The following CNTNAP2 variants were observed in gnomAD, a reference collection of about 807,000 sequenced individuals.
The protein encoded by CNTNAP2 is contactin-associated protein-like 2.
CNTNAP2 carries 98 observed loss-of-function variants against 155.2 expected under a neutral mutation model. The observed-to-expected ratio is 0.63, with a 90% CI of 0.54 to 0.75. The LOEUF (loss-of-function observed/expected upper bound fraction) is 0.75. Ranked by LOEUF, CNTNAP2 falls within the 30% of genes least tolerant of loss-of-function variation. The pLI, the probability that CNTNAP2 is intolerant of heterozygous loss-of-function variation, is 0.00. For missense variants in CNTNAP2, 1,727 were observed against 1,688.1 expected (o/e 1.02, Z -0.40); for synonymous variants, 651 against 631.2 (o/e 1.03, Z -0.47).
intron 8 of CNTNAP2, among the ~76,000 whole-genome samples, chr7:147,138,196 G>A (rs1025414465): frequency 1.3e-5 from 2 of 151,754 alleles, no homozygotes; most frequent in Admixed American, 6.6e-5. Flanking sequence ...GTATTCTTAG[G>A]GCGAAAATGG....
chr7:146,671,717 A>T (rs1800310378), intron 1 of CNTNAP2, among the ~76,000 whole-genome samples: 2 of 152,134 alleles, frequency 1.3e-5, no homozygotes, highest in South Asian at 4.1e-4. Context: ...AGATAATGAT[A>T]ATTTAGCCTT....
At chr7:148,290,482 T>G (rs1797170513) in intron 21 of CNTNAP2, among the ~76,000 whole-genome samples, 1 of 152,244 alleles carries the variant, frequency 6.6e-6, no homozygotes, top group South Asian at 2.1e-4. Flanking sequence ...CTGCCTTTGT[T>G]TTGATTCTCA....
chr7:147,002,857 C>A (rs1249276847), intron 3 of CNTNAP2, among the ~76,000 whole-genome samples: 1 of 150,814 alleles, frequency 6.6e-6, no homozygotes, highest in African/African-American at 2.4e-5. Flanking sequence ...CTCCCCACCT[C>A]CCAGTATCAT....
chr7:147,693,518 T>G (rs1214764708), intron 13 of CNTNAP2, among the ~76,000 whole-genome samples: 2 of 152,022 alleles, frequency 1.3e-5, no homozygotes, highest in Non-Finnish European at 2.9e-5. Flanking sequence ...CATCAGAGTT[T>G]TATAGTTTTC....
At chr7:148,038,826 A>AGATG (rs58688357) in intron 15 of CNTNAP2, among the ~76,000 whole-genome samples, 3,489 of 147,804 alleles carry the variant, frequency 0.024, 44 homozygotes, top group Middle Eastern at 0.039. Context: ...ATGGATGGAT[A>AGATG]GATGGATGGA....
At chr7:148,227,063 C>T (rs532105454) in intron 19 of CNTNAP2, among the ~76,000 whole-genome samples, 1 of 152,050 alleles carries the variant, frequency 6.6e-6, no homozygotes, top group African/African-American at 2.4e-5. Context: ...GGCCTGAATA[C>T]AAAAGAGAAT....
chr7:146,361,053 T>A (rs956219900), intron 1 of CNTNAP2, among the ~76,000 whole-genome samples: 3 of 152,184 alleles, frequency 2.0e-5, no homozygotes, highest in African/African-American at 7.2e-5. Flanking sequence ...CATGTCAATA[T>A]TTTGTAGCAG....
At chr7:146,809,791 C>A (rs555534119) in intron 2 of CNTNAP2, among the ~76,000 whole-genome samples, 1 of 152,140 alleles carries the variant, frequency 6.6e-6, no homozygotes, top group African/African-American at 2.4e-5. Context: ...TTCTTCCATT[C>A]CGTAGGTTGC....
At chr7:148,081,210 C>T (rs989247418) in intron 15 of CNTNAP2, among the ~76,000 whole-genome samples, 4 of 152,092 alleles carry the variant, frequency 2.6e-5, no homozygotes, top group Non-Finnish European at 5.9e-5. Flanking sequence ...CTATTCTATT[C>T]CAAAGTGTGA....
At chr7:148,143,075 C>A (rs1333761830) in intron 16 of CNTNAP2, among the ~76,000 whole-genome samples, 1 of 152,142 alleles carries the variant, frequency 6.6e-6, no homozygotes, top group Non-Finnish European at 1.5e-5. Context: ...ACCATTAAGA[C>A]CAGCTGTATT....
intron 14 of CNTNAP2, among the ~76,000 whole-genome samples, chr7:147,935,956 T>C (rs1054894403): frequency 6.6e-6 from 1 of 152,202 alleles, no homozygotes; most frequent in Non-Finnish European, 1.5e-5. Context: ...CTATAAACTC[T>C]TATATTCAGT....
At chr7:146,569,217 C>G (rs1182285092) in intron 1 of CNTNAP2, among the ~76,000 whole-genome samples, 1 of 152,026 alleles carries the variant, frequency 6.6e-6, no homozygotes, top group African/African-American at 2.4e-5. Flanking sequence ...GGGGTTTCAC[C>G]GCGTTAGCCA....
At chr7:146,346,047 A>C (rs62503481) in intron 1 of CNTNAP2, among the ~76,000 whole-genome samples, 6,419 of 152,290 alleles carry the variant, frequency 0.042, 193 homozygotes, top group Non-Finnish European at 0.068. Flanking sequence ...GAAGGTTATA[A>C]AGGAGCTGGG....
At position 147,687,330 on chromosome 7, in the gene CNTNAP2, G is replaced by A. The variant is rs370254334; in HGVS notation, c.2098+48024G>A. Among the ~76,000 whole-genome samples, 6 of 152,226 alleles carry A rather than the reference G, an allele frequency of 3.9e-5. No homozygotes were observed. In the East Asian group the frequency reaches 1.2e-3, roughly 29 times the overall value. ...TATACAAGTAAGGATAGTTTATCCA[G>A]AGTGATAGGAGAGGTCTATGGGCTC... On this transcript the variant is annotated intron_variant, in intron 13 of 23. Transcript: ENST00000361727.
chr7:147,079,160 T>C (rs1376818324), intron 4 of CNTNAP2, among the ~76,000 whole-genome samples: 1 of 152,166 alleles, frequency 6.6e-6, no homozygotes, highest in Non-Finnish European at 1.5e-5. Context: ...TTATAAAGAT[T>C]TTACGCATTT....
intron 14 of CNTNAP2, among the ~76,000 whole-genome samples, chr7:147,937,939 A>G (rs1361378650): frequency 1.3e-5 from 2 of 152,214 alleles, no homozygotes; most frequent in Non-Finnish European, 2.9e-5. Flanking sequence ...AATGCCTACT[A>G]TGCTAGGTGC....
At chr7:146,858,071 G>GA (rs1795026897) in intron 3 of CNTNAP2, among the ~76,000 whole-genome samples, 1 of 152,144 alleles carries the variant, frequency 6.6e-6, no homozygotes, top group Non-Finnish European at 1.5e-5. Context: ...ACATATGTAG[G>GA]AAAAGGTGCT....
intron 1 of CNTNAP2, among the ~76,000 whole-genome samples, chr7:146,579,261 A>G (rs1396529646): frequency 5.3e-5 from 8 of 152,156 alleles, no homozygotes; most frequent in Non-Finnish European, 8.8e-5. Flanking sequence ...TTAAGTCTCA[A>G]ACAGCTACTT....
At chr7:147,431,373 TTAAACTA>T (rs1335216144) in intron 10 of CNTNAP2, among the ~76,000 whole-genome samples, 6 of 152,274 alleles carry the variant, frequency 3.9e-5, no homozygotes, top group African/African-American at 1.2e-4. Flanking sequence ...CTGAGAAACT[TTAAACTA>T]TAAACTTTTC....
Sources: gnomAD v4.1 joint callset for allele counts (sites outside exome capture counted in the v4.1 genomes callset) on GRCh38, gnomAD v4.1.1 for gene constraint, MANE v1.5 for transcripts, NCBI Gene and HGNC (gene_info 2026-07-23, HGNC 2026-07-21) for gene names.